Variants in TNFRSF14 observed in about 807,000 individuals in gnomAD.
The protein encoded by TNFRSF14 is tumor necrosis factor receptor superfamily member 14.
Under a neutral mutation model 34.1 loss-of-function variants are expected in TNFRSF14, and 18 were observed. The ratio of observed to expected loss-of-function variants is 0.53; its 90% confidence interval spans 0.36 to 0.78. The LOEUF is 0.78. Ranked by LOEUF, TNFRSF14 falls within the 30% of genes least tolerant of loss-of-function variation. TNFRSF14 has a pLI of 0.00. For synonymous variants in TNFRSF14, 157 were observed against 153.2 expected (o/e 1.02, Z -0.18); for missense variants, 352 against 379.5 (o/e 0.93, Z 0.60).
At chr1:2,558,828 G>A (rs1188714345) in intron 3 of TNFRSF14, 21 of 1,322,224 alleles carry the variant, frequency 1.6e-5, no homozygotes, top group Middle Eastern at 2.3e-4. Context: ...CTCTCCGGCC[G>A]GCACTCGGGC....
chr1:2,560,829 G>A (rs755680253), intron 5 of TNFRSF14, 115 bp downstream of exon 5: 58 of 918,874 alleles, frequency 6.3e-5, no homozygotes, highest in African/African-American at 2.1e-4. Context: ...CACCCTGAGC[G>A]GCACCCTGGT....
At chr1:2,559,773 G>T (rs1480419175) in intron 3 of TNFRSF14, 50 bp from the exon 4 acceptor site, 4 of 1,569,016 alleles carry the variant, frequency 2.5e-6, no homozygotes, top group Non-Finnish European at 3.4e-6. Flanking sequence ...GCCCGTGGAT[G>T]GTGTCCCGGC....
chr1:2,557,680 A>T (rs1644238373), intron 1 of TNFRSF14, 46 bp from the exon 2 acceptor site: 1 of 1,447,894 alleles, frequency 6.9e-7, no homozygotes, highest in African/African-American at 1.4e-5. Flanking sequence ...GGCAGAGCCC[A>T]CAGGGCAGCC....
In TNFRSF14 at chr1:2,561,772, C is replaced by T. The variant is rs773712618; in HGVS notation, c.651C>T (p.Ser217=). 12 of 1,613,778 alleles carry T rather than the reference C, an allele frequency of 7.4e-6. No homozygotes were observed. The highest frequency in any genetic ancestry group is 9.3e-6 in the Non-Finnish European group (11 of 1,180,012). Residue 217 remains serine (S), a synonymous_variant, in exon 6 of 8, where the codon TCC becomes TCT. Coordinates refer to ENST00000355716, the MANE Select transcript of TNFRSF14 (RefSeq NM_003820.4). This position sits in a 1 kb window ranked among gnomAD's most constrained non-coding sequence, Gnocchi z 6.0. ...GCCTCGTCATCGTCATTGTTTGCTCCACAGTTGGCCTAATCATATGTGTGA... is the reference window on the plus strand; with the variant it reads ...GCCTCGTCATCGTCATTGTTTGCTCTACAGTTGGCCTAATCATATGTGTGA... ...SGSLVIVIVC[S]TVGLIICVKR... is the part of the protein sequence containing the mutation.
rs1429400721 is a variant in TNFRSF14, at chr1:2,558,271, G to A, written c.179-72G>A. 7 of 1,537,642 alleles carry A rather than the reference G, an allele frequency of 4.6e-6. No homozygotes were observed. In the Admixed American group the frequency reaches 6.2e-5, roughly 14 times the overall value. ...GTCTCCCTGCTTGGGCTCTGGGCGC[G>A]GGTGGAGTGATGGGTGGGCTCCCGA... On this transcript the variant is annotated intron_variant, in intron 2 of 7. Coordinates refer to ENST00000355716, the MANE Select transcript of TNFRSF14 (RefSeq NM_003820.4).
chr1:2,562,433 T>C, intron 6 of TNFRSF14: 1 of 262,008 alleles, frequency 3.8e-6, no homozygotes, highest in East Asian at 1.0e-4. Flanking sequence ...CACCTGATCC[T>C]CACCCGGGGC....
intron 3 of TNFRSF14, chr1:2,558,708 C>T (rs1180028099): frequency 1.6e-5 from 18 of 1,119,332 alleles, no homozygotes; most frequent in South Asian, 9.7e-5. Flanking sequence ...CTGAGCTTGG[C>T]GACTGACCCT....
intron 6 of TNFRSF14, chr1:2,562,600 T>C: frequency 1.7e-6 from 1 of 599,974 alleles, no homozygotes; most frequent in Non-Finnish European, 3.0e-6. Flanking sequence ...TTAGGGTTAG[T>C]TATGCACTTG....
Position 2,559,870 on chromosome 1 carries a change from G to T in TNFRSF14, c.352G>T (p.Val118Leu), listed in dbSNP as rs750864649. The T allele has an allele frequency of 1.2e-6, 2 of 1,605,958 alleles. No homozygotes were observed. The highest frequency in any genetic ancestry group is 1.7e-6 in the Non-Finnish European group (2 of 1,176,976). ...GAACTGCTCCAGGACAGAGAACGCC[G>T]TGTGTGGCTGCAGCCCAGGCCACTT... The part of the protein sequence containing the change: ...SRNCSRTENA[V>L]CGCSPGHFCI... The change falls in exon 4 of 8, where the codon GTG (valine) becomes TTG (leucine). Residue 118 changes from valine to leucine, a missense_variant. Physicochemically the swap from Val to Leu is conservative, Grantham distance 32 (BLOSUM62 1). Coordinates refer to ENST00000355716, the MANE Select transcript of TNFRSF14 (RefSeq NM_003820.4).
At chr1:2,560,766 C>T (rs757770702) in intron 5 of TNFRSF14, 52 bp downstream of exon 5, 70 of 1,544,860 alleles carry the variant, frequency 4.5e-5, no homozygotes, top group Middle Eastern at 1.7e-4. Context: ...GGGGGCTCCA[C>T]GTTGCTTCCC....
At chr1:2,559,483 G>A (rs11573978) in intron 3 of TNFRSF14, 6 of 1,447,282 alleles carry the variant, frequency 4.1e-6, no homozygotes, top group South Asian at 1.2e-5. Flanking sequence ...GGGTGGGCAC[G>A]TGGGGCGAGG....
intron 5 of TNFRSF14, chr1:2,560,933 G>GC: frequency 1.8e-6 from 1 of 542,850 alleles, no homozygotes. Context: ...TCAGATCTGA[G>GC]CTTCCTGGAG....
intron 1 of TNFRSF14, among the ~76,000 whole-genome samples, chr1:2,557,281 C>T (rs962023284): frequency 6.6e-6 from 1 of 152,364 alleles, no homozygotes; most frequent in African/African-American, 2.4e-5. Context: ...CCACCCTCCC[C>T]GATGTGGCCC....
In TNFRSF14 at chr1:2,560,804, A is replaced by G. The variant is rs1644297724; in HGVS notation, c.551+90A>G. 2.5e-6 allele frequency: 3 copies of G among 1,218,910 alleles called. No homozygotes were observed. In the East Asian group the frequency reaches 7.2e-5, roughly 29 times the overall value. 75.5% of individuals were successfully genotyped at this position (1,218,910 alleles called of 1,614,324 possible). A position where few individuals can be genotyped will look rare whatever the true frequency, so the allele number is the denominator to read the frequency against. Reference sequence around the variant, plus strand: ...GGAGATGACCGTCTTCTCCAGCAGAAAGGCTTGAAGGTCCCACCCTGAGCG... The same window carrying G: ...GGAGATGACCGTCTTCTCCAGCAGAGAGGCTTGAAGGTCCCACCCTGAGCG... On this transcript the variant is annotated intron_variant, in intron 5 of 7. Transcript: ENST00000355716.
intron 3 of TNFRSF14, chr1:2,559,146 G>A (rs1289930265): frequency 1.5e-6 from 2 of 1,363,130 alleles, no homozygotes; most frequent in South Asian, 1.2e-5. Context: ...CCTACAGGGA[G>A]GCACAGGGCA....
Position 2,561,487 on chromosome 1 carries a change from C to T in TNFRSF14, c.552-186C>T, listed in dbSNP as rs749575061. The stretch of plus-strand genomic sequence containing the variant: ...TCTCCTCCTTCCTTCTCTCCACCTC[C>T]CCATAGCCGAGCTTGGAAAAGTCAG... On this transcript the variant is annotated intron_variant, in intron 5 of 7. Transcript: ENST00000355716. The surrounding 1 kb of genome is among the most constrained non-coding windows in gnomAD (Gnocchi z 6.0). 11 of 1,522,278 alleles carry T rather than the reference C, an allele frequency of 7.2e-6. No homozygotes were observed. The highest frequency in any genetic ancestry group is 9.7e-6 in the Non-Finnish European group (11 of 1,131,982). The allele number at this position is 1,522,278 out of a possible 1,614,324, so 94.3% of individuals were successfully genotyped here. A position where few individuals can be genotyped will look rare whatever the true frequency, so the allele number is the denominator to read the frequency against.
chr1:2,559,755 C>G (rs1438860476), intron 3 of TNFRSF14, 68 bp from the exon 4 acceptor site: 1 of 1,547,926 alleles, frequency 6.5e-7, no homozygotes. Context: ...CCTGTGGATG[C>G]TGTCCTGGCC....
At position 2,563,199 on chromosome 1, in the gene TNFRSF14, G is replaced by A. The variant is rs770712580; in HGVS notation, c.778G>A (p.Ala260Thr). ...GGCCACAGTCATTGAGGCCCTGCAG[G>A]CCCCTCCGGACGTCACCACGGTGGC... ...GEATVIEALQ[A>T]PPDVTTVAVE... is the part of the protein sequence containing the mutation. Residue 260 changes from alanine (A) to threonine (T), a missense_variant, in exon 8 of 8, where the codon GCC becomes ACC. Physicochemically the swap from Ala to Thr is moderately conservative, Grantham distance 58. Coordinates refer to ENST00000355716, the MANE Select transcript of TNFRSF14 (RefSeq NM_003820.4). The A allele has an allele frequency of 1.5e-5, 25 of 1,613,390 alleles. No individual in the cohort carries two copies. The highest frequency in any genetic ancestry group is 1.6e-4 in the Middle Eastern group (1 of 6,082).
chr1:2,557,529 G>A (rs548154437), intron 1 of TNFRSF14, among the ~76,000 whole-genome samples, 197 bp from the exon 2 acceptor site: 86 of 152,240 alleles, frequency 5.6e-4, no homozygotes, highest in Non-Finnish European at 3.8e-4. Flanking sequence ...GAGGAGGGGC[G>A]GTCCCCACCC....
Sources: allele counts gnomAD v4.1 joint callset (sites outside exome capture counted in the v4.1 genomes callset), GRCh38; gene constraint gnomAD v4.1.1; non-coding constraint Gnocchi (gnomAD v3.1); transcripts MANE v1.5; gene names NCBI Gene and HGNC (gene_info 2026-07-23, HGNC 2026-07-21).